TMEM117: variants seen among roughly 807,000 people sequenced by gnomAD.
TMEM117 encodes transmembrane protein 117.
TMEM117 carries 27 observed loss-of-function variants against 52.4 expected under a neutral mutation model. The ratio of observed to expected loss-of-function variants is 0.51; its 90% CI spans 0.38 to 0.71. The LOEUF (loss-of-function observed/expected upper bound fraction) is 0.71. Among genes scored for constraint, TMEM117 ranks in the 30% least tolerant of loss-of-function variants. TMEM117 has a pLI of 0.00. For missense variants in TMEM117, 556 were observed against 630.5 expected, an observed-to-expected ratio of 0.88 and a Z score of 1.26; for synonymous variants, 215 against 206.3, an observed-to-expected ratio of 1.04 and a Z score of -0.36.
chr12:43,887,869 A>G (rs2137468317), intron 2 of TMEM117, among the ~76,000 whole-genome samples: 1 of 152,314 alleles, frequency 6.6e-6, no homozygotes, highest in Admixed American at 6.5e-5. Flanking sequence ...AGAGTAAATT[A>G]TGTGGCTGCA....
intron 3 of TMEM117, among the ~76,000 whole-genome samples, chr12:43,963,938 A>G (rs1024564412): frequency 6.6e-6 from 1 of 152,228 alleles, no homozygotes; most frequent in Admixed American, 6.5e-5. Context: ...GAATTAGGAG[A>G]GTAAACAGGA....
chr12:44,024,874 A>G (rs1946508716), intron 3 of TMEM117, among the ~76,000 whole-genome samples: 1 of 152,084 alleles, frequency 6.6e-6, no homozygotes, highest in Admixed American at 6.6e-5. Flanking sequence ...ATGTGTGTGC[A>G]CACACATATA....
intron 6 of TMEM117, among the ~76,000 whole-genome samples, chr12:44,361,067 C>T (rs1037930873): frequency 1.3e-5 from 2 of 152,008 alleles, no homozygotes; most frequent in Non-Finnish European, 2.9e-5. Flanking sequence ...GAAAAATGGA[C>T]TTAAAGTATT....
chr12:44,224,540 C>G (rs1479655203), intron 5 of TMEM117, among the ~76,000 whole-genome samples: 1 of 151,658 alleles, frequency 6.6e-6, no homozygotes, highest in Non-Finnish European at 1.5e-5. Context: ...TCCTCCTTCT[C>G]TTCCTCCTCC....
At chr12:43,986,546 C>T (rs1945850270) in intron 3 of TMEM117, among the ~76,000 whole-genome samples, 1 of 152,126 alleles carries the variant, frequency 6.6e-6, no homozygotes, top group South Asian at 2.1e-4. Context: ...CACTTCACTA[C>T]AGTACATCTA....
chr12:43,860,983 C>T (rs1378322736), intron 2 of TMEM117, among the ~76,000 whole-genome samples: 2 of 152,098 alleles, frequency 1.3e-5, no homozygotes, highest in Non-Finnish European at 2.9e-5. Flanking sequence ...ATTATGGCTC[C>T]TTTATGGGGC....
chr12:43,923,033 A>G (rs1944721463), intron 2 of TMEM117, among the ~76,000 whole-genome samples: 1 of 152,212 alleles, frequency 6.6e-6, no homozygotes, highest in African/African-American at 2.4e-5. Context: ...CCTCTGCTGG[A>G]GGAGCAGAGC....
chr12:44,265,502 G>C (rs191104110), intron 5 of TMEM117, among the ~76,000 whole-genome samples: 4 of 152,172 alleles, frequency 2.6e-5, no homozygotes, highest in African/African-American at 9.7e-5. Context: ...GTTTGGGTGA[G>C]AGAGGGCAGA....
intron 3 of TMEM117, among the ~76,000 whole-genome samples, chr12:44,119,857 G>T (rs1386664753): frequency 6.6e-6 from 1 of 152,198 alleles, no homozygotes; most frequent in Non-Finnish European, 1.5e-5. Context: ...TGTAACCAGG[G>T]TTGAGAATGA....
At chr12:44,383,056 G>A (rs1952041794) in intron 7 of TMEM117, among the ~76,000 whole-genome samples, 1 of 152,076 alleles carries the variant, frequency 6.6e-6, no homozygotes, top group African/African-American at 2.4e-5. Flanking sequence ...CCATGGTTTT[G>A]TGCTGTCCCA....
At chr12:44,384,975 A>G (rs74085156) in intron 7 of TMEM117, among the ~76,000 whole-genome samples, 1 of 152,230 alleles carries the variant, frequency 6.6e-6, no homozygotes, top group African/African-American at 2.4e-5. Context: ...ATTGGATTCT[A>G]TACACGACCA....
chr12:44,258,269 T>C (rs962979506), intron 5 of TMEM117, among the ~76,000 whole-genome samples: 7 of 152,142 alleles, frequency 4.6e-5, no homozygotes, highest in African/African-American at 1.7e-4. Flanking sequence ...AATGTTTTTA[T>C]ATATTTTTGA....
At chr12:44,168,301 C>G (rs959395936) in intron 4 of TMEM117, among the ~76,000 whole-genome samples, 1 of 151,784 alleles carries the variant, frequency 6.6e-6, no homozygotes, top group African/African-American at 2.4e-5. Flanking sequence ...TGATGGCTAC[C>G]TTGGAGAACC....
At chr12:43,930,153 G>A (rs1176006917) in intron 2 of TMEM117, among the ~76,000 whole-genome samples, 1 of 152,026 alleles carries the variant, frequency 6.6e-6, no homozygotes. Context: ...CCTGAACTCT[G>A]CCCATAATTC....
intron 5 of TMEM117, among the ~76,000 whole-genome samples, chr12:44,283,971 G>T (rs1015598424): frequency 1.3e-5 from 2 of 152,094 alleles, no homozygotes; most frequent in Non-Finnish European, 2.9e-5. Context: ...TGTTTATCAG[G>T]GTTTCCACTT....
the TMEM117 span, among the ~76,000 whole-genome samples, chr12:43,829,115 T>A: frequency 6.6e-6 from 1 of 152,170 alleles, no homozygotes; most frequent in Non-Finnish European, 1.5e-5. Context: ...CTGCTCCTCA[T>A]TGCCTGGAAT....
intron 2 of TMEM117, among the ~76,000 whole-genome samples, chr12:43,920,954 C>T (rs1407194129): frequency 6.6e-6 from 1 of 152,090 alleles, no homozygotes; most frequent in East Asian, 1.9e-4. Flanking sequence ...TTTGTTAGTC[C>T]TTGATCTGCA....
intron 6 of TMEM117, among the ~76,000 whole-genome samples, chr12:44,322,882 G>GCTC: frequency 6.6e-6 from 1 of 152,220 alleles, no homozygotes; most frequent in Middle Eastern, 3.4e-3. Context: ...ATGTTAAGTT[G>GCTC]CATGGCAAAG....
intron 4 of TMEM117, among the ~76,000 whole-genome samples, chr12:44,204,748 A>G (rs1253752872): frequency 6.6e-6 from 1 of 152,138 alleles, no homozygotes; most frequent in East Asian, 1.9e-4. Context: ...AAATAAAACC[A>G]TACACCTACA....
Sources: allele counts gnomAD v4.1 joint callset (sites outside exome capture counted in the v4.1 genomes callset), GRCh38; gene constraint gnomAD v4.1.1; transcripts MANE v1.5; gene names NCBI Gene and HGNC (gene_info 2026-07-23, HGNC 2026-07-21).